Variants in MALRD1 observed in about 807,000 individuals in gnomAD.
The protein encoded by MALRD1 is MAM and LDL-receptor class A domain-containing protein 1.
MALRD1 carries 247 observed loss-of-function variants against 242.1 expected under a neutral mutation model. The observed-to-expected ratio is 1.02, with a 90% CI of 0.92 to 1.13. The LOEUF (loss-of-function observed/expected upper bound fraction) is 1.13. Among genes scored for constraint, MALRD1 ranks in the 50% most tolerant of loss-of-function variants. The pLI, the probability that MALRD1 is intolerant of heterozygous loss-of-function variation, is 0.00. For missense variants in MALRD1, 2,989 were observed against 2,533.1 expected (o/e 1.18, Z -3.86); for synonymous variants, 995 against 866.6 (o/e 1.15, Z -2.60).
intron 24 of MALRD1, among the ~76,000 whole-genome samples, chr10:19,346,929 T>C (rs1844158041): frequency 6.6e-6 from 1 of 152,146 alleles, no homozygotes; most frequent in South Asian, 2.1e-4. Context: ...GGATTACAGG[T>C]GTGAGCCACC....
chr10:19,234,727 G>A (rs185969327), intron 18 of MALRD1, among the ~76,000 whole-genome samples: 3 of 152,172 alleles, frequency 2.0e-5, no homozygotes, highest in Non-Finnish European at 4.4e-5. Context: ...ATGCCACTTG[G>A]TGGAGATATT....
At chr10:19,718,125 AGAG>A (rs1834495725) in intron 38 of MALRD1, among the ~76,000 whole-genome samples, 1 of 137,264 alleles carries the variant, frequency 7.3e-6, no homozygotes, top group East Asian at 2.2e-4. Context: ...AAGAAGAAGA[AGAG>A]GAAGAAGAGG....
chr10:19,422,898 T>G (rs1336586660), intron 28 of MALRD1, among the ~76,000 whole-genome samples: 1 of 152,194 alleles, frequency 6.6e-6, no homozygotes, highest in Admixed American at 6.5e-5. Context: ...GCCTGCACTC[T>G]GTTTCTATCT....
chr10:19,480,513 C>G (rs1032189055), intron 29 of MALRD1, among the ~76,000 whole-genome samples: 1 of 152,158 alleles, frequency 6.6e-6, no homozygotes, highest in Non-Finnish European at 1.5e-5. Context: ...AAGGAATTGA[C>G]GTTTCAAAGT....
intron 38 of MALRD1, among the ~76,000 whole-genome samples, chr10:19,693,970 T>A (rs1218684559): frequency 6.6e-6 from 1 of 152,044 alleles, no homozygotes; most frequent in Non-Finnish European, 1.5e-5. Flanking sequence ...AAACAAGCAA[T>A]GGGGAAAGGA....
intron 5 of MALRD1, among the ~76,000 whole-genome samples, chr10:19,109,559 C>T (rs1373061735): frequency 6.6e-6 from 1 of 152,192 alleles, no homozygotes; most frequent in East Asian, 1.9e-4. Flanking sequence ...TGGTGTGCTG[C>T]AGCCACTTGA....
intron 36 of MALRD1, 89 bp downstream of exon 36, chr10:19,616,012 C>A: frequency 1.1e-6 from 1 of 922,376 alleles, no homozygotes; most frequent in South Asian, 1.6e-5. Flanking sequence ...GAGCATCAAT[C>A]AGTTTGTGGT....
At chr10:19,566,871 AT>A (rs936798137) in intron 32 of MALRD1, among the ~76,000 whole-genome samples, 10 of 152,050 alleles carry the variant, frequency 6.6e-5, no homozygotes, top group African/African-American at 2.4e-4. Flanking sequence ...GCCATATGTT[AT>A]TTTTTTAAAT....
At position 19,426,930 on chromosome 10, in the gene MALRD1, C is replaced by T. The variant is rs946337316; in HGVS notation, c.4846-23377C>T. 1.1e-4 allele frequency among the ~76,000 whole-genome samples: 16 copies of T among 152,180 alleles called. No homozygotes were observed. The East Asian group carries it at 1.7e-3, about 17-fold the overall frequency. ...ACTTTTCTAATTAGCTTCCTCTTTTCGATTATATAAATGTGTGTTGTATGT... is the reference window on the plus strand; with the variant it reads ...ACTTTTCTAATTAGCTTCCTCTTTTTGATTATATAAATGTGTGTTGTATGT... On this transcript the variant is annotated intron_variant, in intron 28 of 39. Transcript: ENST00000454679.
chr10:19,457,583 A>T (rs1835724345), intron 29 of MALRD1, among the ~76,000 whole-genome samples: 1 of 151,918 alleles, frequency 6.6e-6, no homozygotes, highest in Non-Finnish European at 1.5e-5. Context: ...TCTAAAAGAA[A>T]TTTGAACTAA....
chr10:19,306,990 A>T (rs1259908970), intron 21 of MALRD1, among the ~76,000 whole-genome samples: 1 of 151,540 alleles, frequency 6.6e-6, no homozygotes, highest in Non-Finnish European at 1.5e-5. Flanking sequence ...TGGTGGGGAT[A>T]CAGCCAAAAC....
At chr10:19,383,266 A>G (rs1466651960) in intron 26 of MALRD1, among the ~76,000 whole-genome samples, 1 of 152,018 alleles carries the variant, frequency 6.6e-6, no homozygotes, top group Non-Finnish European at 1.5e-5. Flanking sequence ...GTATGTCCTC[A>G]AAGTTTCACT....
chr10:19,365,350 T>G (rs993117108), intron 26 of MALRD1, among the ~76,000 whole-genome samples: 4 of 152,050 alleles, frequency 2.6e-5, no homozygotes, highest in Non-Finnish European at 5.9e-5. Context: ...TTCAGCAGAG[T>G]GTTTGAAAAT....
intron 14 of MALRD1, among the ~76,000 whole-genome samples, chr10:19,177,046 C>T (rs1835289688): frequency 6.6e-6 from 1 of 151,750 alleles, no homozygotes; most frequent in Admixed American, 6.6e-5. Flanking sequence ...GGAGGCTGAG[C>T]CGGGCGGATC....
At chr10:19,167,112 C>A (rs1011276378) in intron 13 of MALRD1, among the ~76,000 whole-genome samples, 2 of 152,134 alleles carry the variant, frequency 1.3e-5, no homozygotes, top group Non-Finnish European at 2.9e-5. Context: ...GTAATCCCAG[C>A]GCTTTGGGAG....
intron 21 of MALRD1, among the ~76,000 whole-genome samples, chr10:19,312,430 G>C (rs1039714845): frequency 1.2e-4 from 17 of 146,302 alleles, no homozygotes; most frequent in Admixed American, 2.0e-4. Flanking sequence ...GTGTGTGTGA[G>C]AGAGAGAGAG....
chr10:19,537,839 T>G (rs1834759771), intron 32 of MALRD1, among the ~76,000 whole-genome samples: 1 of 152,096 alleles, frequency 6.6e-6, no homozygotes, highest in Admixed American at 6.6e-5. Context: ...ACCTTCGGGG[T>G]TAGGATTTCA....
At chr10:19,520,741 G>A (rs1253747590) in intron 31 of MALRD1, among the ~76,000 whole-genome samples, 1 of 151,922 alleles carries the variant, frequency 6.6e-6, no homozygotes, top group African/African-American at 2.4e-5. Context: ...CCTTAGTGAT[G>A]TTTCGACAAC....
chr10:19,516,841 T>C (rs1168666769), intron 31 of MALRD1, among the ~76,000 whole-genome samples: 2 of 152,106 alleles, frequency 1.3e-5, no homozygotes, highest in East Asian at 3.9e-4. Flanking sequence ...TAAAATGATA[T>C]CTATGAGGTC....
Sources: gnomAD v4.1 joint callset for allele counts (sites outside exome capture counted in the v4.1 genomes callset) on GRCh38, gnomAD v4.1.1 for gene constraint, MANE v1.5 for transcripts, NCBI Gene and HGNC (gene_info 2026-07-23, HGNC 2026-07-21) for gene names.